The following C1orf159 variants were observed in gnomAD, a reference collection of about 807,000 sequenced individuals.
C1orf159 encodes uncharacterized protein C1orf159.
A neutral mutation model predicts 25.6 loss-of-function variants in C1orf159; 19 were observed. That is an observed-to-expected ratio of 0.74 (90% CI 0.52 to 1.09). The LOEUF (loss-of-function observed/expected upper bound fraction) is 1.09, where lower values mean the gene tolerates loss of function less well. Among genes scored for constraint, C1orf159 ranks in the 50% least tolerant of loss-of-function variants. The probability of loss-of-function intolerance (pLI) is 0.00; values close to 1 mark genes in which losing one functional copy is unlikely to be tolerated. For synonymous variants in C1orf159, 139 were observed against 124.7 expected, an observed-to-expected ratio of 1.12 and a Z score of -0.77; for missense variants, 274 against 290.6, an observed-to-expected ratio of 0.94 and a Z score of 0.42.
intron 1 of C1orf159, among the ~76,000 whole-genome samples, chr1:1,100,268 T>C (rs1388710600): frequency 6.7e-6 from 1 of 150,236 alleles, no homozygotes; most frequent in Non-Finnish European, 1.5e-5. Flanking sequence ...TAGATGTAGG[T>C]ATGTTAATAT....
intron 1 of C1orf159, among the ~76,000 whole-genome samples, chr1:1,102,613 CT>C (rs1289250134): frequency 4.9e-5 from 2 of 41,206 alleles, no homozygotes; most frequent in South Asian, 1.4e-3. Flanking sequence ...CCTGTCTCTA[CT>C]AAAAAAAAAA....
At chr1:1,111,012 T>C (rs1204343410) in intron 1 of C1orf159, among the ~76,000 whole-genome samples, 1 of 152,230 alleles carries the variant, frequency 6.6e-6, no homozygotes, top group Non-Finnish European at 1.5e-5. Context: ...AGGAGTCTGG[T>C]GAATCCTTTG....
intron 1 of C1orf159, among the ~76,000 whole-genome samples, chr1:1,099,687 C>G (rs1646070520): frequency 7.0e-6 from 1 of 143,432 alleles, no homozygotes; most frequent in South Asian, 2.2e-4. Flanking sequence ...TGTTTTTGGT[C>G]TATTGTTCTA....
chr1:1,101,870 G>A (rs887683514), intron 1 of C1orf159, among the ~76,000 whole-genome samples: 3 of 151,824 alleles, frequency 2.0e-5, no homozygotes, highest in Non-Finnish European at 2.9e-5. Flanking sequence ...TCAGGAGTTC[G>A]AGACTAGCCT....
chr1:1,099,241 C>G (rs1460854910), intron 1 of C1orf159, among the ~76,000 whole-genome samples: 2 of 80,434 alleles, frequency 2.5e-5, no homozygotes, highest in East Asian at 3.1e-4. Context: ...TTCTAAGAAT[C>G]AGAGAGAGAG....
At chr1:1,108,698 A>G (rs1281711629) in intron 1 of C1orf159, among the ~76,000 whole-genome samples, 4 of 46,076 alleles carry the variant, frequency 8.7e-5, no homozygotes, top group Non-Finnish European at 7.6e-5. Flanking sequence ...TCTCAGCACC[A>G]TCCACCACGG....
intron 4 of C1orf159, 107 bp downstream of exon 4, chr1:1,090,246 G>T: frequency 2.6e-6 from 3 of 1,153,066 alleles, no homozygotes; most frequent in Non-Finnish European, 3.8e-6. Flanking sequence ...CCCAGGTCCC[G>T]CAGCACAGAT....
At position 1,090,945 on chromosome 1, in the gene C1orf159, A is replaced by C. The variant is rs370311030; in HGVS notation, c.73-517T>G. 1.2e-4 allele frequency: 186 copies of C among 1,550,366 alleles called. No homozygotes were observed. In the African/African-American group the frequency reaches 2.3e-3, roughly 19 times the overall value. ...GGCCTGGGGGGCTCAGGGTACCCTCAGCTTGTGTGTTGATCACAGCTGTGC... is the reference window on the plus strand; with the variant it reads ...GGCCTGGGGGGCTCAGGGTACCCTCCGCTTGTGTGTTGATCACAGCTGTGC... On this transcript the variant is annotated intron_variant, in intron 3 of 9. Transcript: ENST00000421241.
At chr1:1,109,136 C>T (rs57633207) in intron 1 of C1orf159, among the ~76,000 whole-genome samples, 3 of 90,992 alleles carry the variant, frequency 3.3e-5, no homozygotes, top group East Asian at 3.0e-4. Context: ...GAGCAAGTGT[C>T]CACCCACAGA....
At chr1:1,086,463 C>T (rs1645832179) in intron 6 of C1orf159, among the ~76,000 whole-genome samples, 1 of 152,250 alleles carries the variant, frequency 6.6e-6, no homozygotes, top group Admixed American at 6.5e-5. Context: ...CTCCACCTGC[C>T]TGGGCCAGGA....
intron 1 of C1orf159, chr1:1,106,013 A>T (rs962897053): frequency 6.6e-6 from 1 of 152,238 alleles, no homozygotes; most frequent in African/African-American, 2.4e-5. Flanking sequence ...CCGCTCGCTG[A>T]GGTTCTGTGA....
chr1:1,084,387 G>C lies in C1orf159; in HGVS notation c.472-4C>G. ...GTGGCGGGGGGATCATTGCAGCCTT[G>C]AAAAGGAGAGAAAGGCAGAGTGAGG... On this transcript the variant is annotated splice_region_variant and splice_polypyrimidine_tract_variant and intron_variant, in intron 8 of 9. Transcript: ENST00000421241. 6.3e-7 allele frequency: 1 copy of C among 1,576,038 alleles called. No individual in the cohort carries two copies. The highest frequency in any genetic ancestry group is 8.6e-7 in the Non-Finnish European group (1 of 1,160,416).
At chr1:1,108,079 C>G (rs79921353) in intron 1 of C1orf159, among the ~76,000 whole-genome samples, 318 of 151,886 alleles carry the variant, frequency 2.1e-3, no homozygotes, top group African/African-American at 7.0e-3. Flanking sequence ...CACCATGTCT[C>G]GGCAGCACCA....
At chr1:1,102,169 C>T (rs1301521354) in intron 1 of C1orf159, among the ~76,000 whole-genome samples, 2 of 143,068 alleles carry the variant, frequency 1.4e-5, no homozygotes, top group Non-Finnish European at 3.0e-5. Context: ...TAAAACTAAA[C>T]ATTTATGTCT....
intron 1 of C1orf159, chr1:1,107,014 G>C (rs116111284): frequency 1.3e-5 from 2 of 152,310 alleles, no homozygotes; most frequent in African/African-American, 4.8e-5. Context: ...GGCAGGGCTC[G>C]GCAGCCTGCC....
At position 1,110,686 on chromosome 1, in the gene C1orf159, C is replaced by T. The variant is rs1249958840; in HGVS notation, c.-136+5374G>A. On this transcript the variant is annotated intron_variant, in intron 1 of 9. Coordinates refer to ENST00000421241, the MANE Select transcript of C1orf159 (RefSeq NM_017891.5). The surrounding 1 kb of genome is among the most constrained non-coding windows in gnomAD (Gnocchi z 4.8). Reference sequence around the variant, plus strand: ...CCCCCGGGCACGTTCCCAAGAGAAACAACACACGCCCGCCAAACACGTGCA... The same window carrying T: ...CCCCCGGGCACGTTCCCAAGAGAAATAACACACGCCCGCCAAACACGTGCA... 6.6e-6 allele frequency among the ~76,000 whole-genome samples: 1 copy of T among 152,016 alleles called. No individual in the cohort carries two copies. The highest frequency in any genetic ancestry group is 1.5e-5 in the Non-Finnish European group (1 of 68,036).
chr1:1,083,004 A>G lies in C1orf159; in HGVS notation c.503-17T>C, dbSNP rs1010598679. ...GCTTCCGTACTGAAACGGGTCAGAG[A>G]CAGGCGAGGTCAGAGTGGGACCTGG... On this transcript the variant is annotated splice_polypyrimidine_tract_variant and intron_variant, in intron 9 of 9. Transcript: ENST00000421241. 1 of 1,574,676 alleles carries G rather than the reference A, an allele frequency of 6.4e-7. No individual in the cohort carries two copies. The highest frequency in any genetic ancestry group is 1.8e-5 in the Admixed American group (1 of 56,244).
In C1orf159 at chr1:1,089,267, C is replaced by T. The variant is rs2100747260; in HGVS notation, c.148+1086G>A. Among the ~76,000 whole-genome samples the T allele has an allele frequency of 6.6e-6, 1 of 152,300 alleles. No individual in the cohort carries two copies. Among genetic ancestry groups the T allele is most frequent in the African/African-American group, 2.4e-5 (1 of 41,564 alleles). On this transcript the variant is annotated intron_variant, in intron 4 of 9. Coordinates refer to ENST00000421241, the MANE Select transcript of C1orf159 (RefSeq NM_017891.5). The surrounding 1 kb of genome is among the most constrained non-coding windows in gnomAD (Gnocchi z 7.5). The stretch of plus-strand genomic sequence containing the variant: ...GGCCCCTCCATGGGCACCGTGACTG[C>T]TGCACAGCTGCCTGCACCCACAGAG...
chr1:1,092,264 G>C (rs1278437349), intron 1 of C1orf159, 161 bp from the exon 2 acceptor site: 5 of 245,024 alleles, frequency 2.0e-5, no homozygotes, highest in Non-Finnish European at 3.3e-5. Context: ...GTCTCCACGA[G>C]TGTTTCCCCC....
Sources: allele counts gnomAD v4.1 joint callset (sites outside exome capture counted in the v4.1 genomes callset), GRCh38; gene constraint gnomAD v4.1.1; non-coding constraint Gnocchi (gnomAD v3.1); transcripts MANE v1.5; gene names NCBI Gene and HGNC (gene_info 2026-07-23, HGNC 2026-07-21).